The following CAMK2B variants were observed in gnomAD, a reference collection of about 807,000 sequenced individuals.
CAMK2B encodes calcium/calmodulin dependent protein kinase II beta.
Under a neutral mutation model 93.7 loss-of-function variants are expected in CAMK2B, and 27 were observed. The ratio of observed to expected loss-of-function variants is 0.29; its 90% confidence interval spans 0.21 to 0.40. The LOEUF (loss-of-function observed/expected upper bound fraction) is 0.40. Ranked by LOEUF, CAMK2B falls within the 10% of genes least tolerant of loss-of-function variation. CAMK2B has a pLI of 1.00. For missense variants in CAMK2B, 568 were observed against 895.8 expected, an observed-to-expected ratio of 0.63 and a Z score of 4.67; for synonymous variants, 374 against 358.8, an observed-to-expected ratio of 1.04 and a Z score of -0.48.
At chr7:44,247,232 G>A (rs761739836) in intron 5 of CAMK2B, 40 bp from the exon 6 acceptor site, 48 of 1,575,064 alleles carry the variant, frequency 3.0e-5, no homozygotes, top group Middle Eastern at 3.3e-4. Flanking sequence ...AGTGGCCCTG[G>A]GGAGCAGCAA....
chr7:44,239,093 C>T (rs897869531), intron 13 of CAMK2B, among the ~76,000 whole-genome samples: 7 of 152,246 alleles, frequency 4.6e-5, no homozygotes, highest in Non-Finnish European at 7.3e-5. Context: ...GCGGCTTGTC[C>T]TGGGGGGATG....
In CAMK2B at chr7:44,262,996, G is replaced by C; in HGVS notation, c.220+9C>G. 6.2e-7 allele frequency: 1 copy of C among 1,612,220 alleles called. No homozygotes were observed. Among genetic ancestry groups the C allele is most frequent in the Non-Finnish European group, 8.5e-7 (1 of 1,178,780 alleles). On this transcript the variant is annotated intron_variant, in intron 3 of 23. Coordinates refer to ENST00000395749, the MANE Select transcript of CAMK2B (RefSeq NM_001220.5). ...GACCCATCCCCGCTCCCTACCCCAGGCTGCTCACCGATGTTGGAATGCTTC... is the reference window on the plus strand; with the variant it reads ...GACCCATCCCCGCTCCCTACCCCAGCCTGCTCACCGATGTTGGAATGCTTC...
chr7:44,289,179 C>T (rs573106551), intron 1 of CAMK2B, among the ~76,000 whole-genome samples: 7 of 152,154 alleles, frequency 4.6e-5, no homozygotes, highest in Non-Finnish European at 8.8e-5. Flanking sequence ...GCTGACTATC[C>T]GTGGCTCCCA....
chr7:44,296,438 A>T (rs553419668), intron 1 of CAMK2B, among the ~76,000 whole-genome samples: 10 of 152,280 alleles, frequency 6.6e-5, no homozygotes, highest in Non-Finnish European at 8.8e-5. Context: ...TAATCCAAGA[A>T]CTATAGAAAA....
rs1453789479 is a variant in CAMK2B at position 44,247,138 on chromosome 7, G to A, written c.396C>T (p.Val132=). The A allele has an allele frequency of 1.1e-5, 17 of 1,613,846 alleles. No homozygotes were observed. The highest frequency in any genetic ancestry group is 4.0e-5 in the African/African-American group (3 of 74,906). Residue 132 remains valine, a synonymous_variant, in exon 6 of 24, where the codon GTC becomes GTT. Coordinates refer to ENST00000395749, the MANE Select transcript of CAMK2B (RefSeq NM_001220.5). ...GACTCACCTTGAGGTCTCTGTGGAC[G>A]ACCCCCATTTGGTGACAATGGAGAA... The part of the protein sequence containing the change: ...EAVLHCHQMG[V]VHRDLKPENL...
intron 1 of CAMK2B, among the ~76,000 whole-genome samples, chr7:44,309,038 C>T (rs533654227): frequency 4.6e-5 from 7 of 152,334 alleles, no homozygotes; most frequent in East Asian, 1.9e-4. Flanking sequence ...CTGAAACGGA[C>T]CCCAGAGCCC....
At chr7:44,244,065 C>T (rs546126303) in intron 6 of CAMK2B, among the ~76,000 whole-genome samples, 2 of 152,284 alleles carry the variant, frequency 1.3e-5, no homozygotes, top group East Asian at 3.9e-4. Context: ...TGGTGACCCC[C>T]AAAGGGCAAG....
At chr7:44,324,268 C>T (rs1397589889) in intron 1 of CAMK2B, among the ~76,000 whole-genome samples, 1 of 152,250 alleles carries the variant, frequency 6.6e-6, no homozygotes, top group Non-Finnish European at 1.5e-5. Context: ...GCCAGCACCG[C>T]CAGCGCCCCC....
intron 20 of CAMK2B, among the ~76,000 whole-genome samples, chr7:44,222,155 G>A (rs1004148361): frequency 6.6e-6 from 1 of 152,088 alleles, no homozygotes; most frequent in Non-Finnish European, 1.5e-5. Flanking sequence ...AAAGTAATTC[G>A]TCCGTGGAAA....
At chr7:44,238,711 G>C (rs946597952) in intron 13 of CAMK2B, among the ~76,000 whole-genome samples, 1 of 152,246 alleles carries the variant, frequency 6.6e-6, no homozygotes, top group Non-Finnish European at 1.5e-5. Context: ...TGGAGGCACC[G>C]ACAGGGAACT....
chr7:44,246,412 C>G (rs148331166), intron 6 of CAMK2B, among the ~76,000 whole-genome samples: 96 of 152,290 alleles, frequency 6.3e-4, no homozygotes, highest in Non-Finnish European at 1.1e-3. Context: ...CAAGTGCACA[C>G]ACATGCACAT....
chr7:44,288,598 C>A (rs1667790568), intron 1 of CAMK2B, among the ~76,000 whole-genome samples: 1 of 152,216 alleles, frequency 6.6e-6, no homozygotes, highest in African/African-American at 2.4e-5. Flanking sequence ...CCCCGGGCAC[C>A]AAGCATATTA....
chr7:44,234,274 TCAGA>T, intron 15 of CAMK2B, 112 bp downstream of exon 15: 2 of 900,168 alleles, frequency 2.2e-6, no homozygotes, highest in Non-Finnish European at 1.7e-6. Context: ...GCGAGTGCTG[TCAGA>T]CAGGCCAGGC....
At chr7:44,232,933 C>A (rs1289980781) in intron 15 of CAMK2B, 67 bp from the exon 16 acceptor site, 2 of 1,423,918 alleles carry the variant, frequency 1.4e-6, no homozygotes, top group Middle Eastern at 1.7e-4. Flanking sequence ...AAGCGGAGAC[C>A]ACCAGGAGGG....
At chr7:44,243,932 C>T (rs1470611812) in intron 6 of CAMK2B, among the ~76,000 whole-genome samples, 1 of 152,192 alleles carries the variant, frequency 6.6e-6, no homozygotes, top group African/African-American at 2.4e-5. Flanking sequence ...GCTCCCATGG[C>T]CCTCGGACTC....
At chr7:44,236,739 T>G (rs960701472) in intron 13 of CAMK2B, among the ~76,000 whole-genome samples, 2 of 152,056 alleles carry the variant, frequency 1.3e-5, no homozygotes, top group Non-Finnish European at 2.9e-5. Context: ...TCCCACCCTC[T>G]CAGCTCCCCT....
chr7:44,258,195 C>T (rs2096850238), intron 4 of CAMK2B, among the ~76,000 whole-genome samples: 2 of 152,232 alleles, frequency 1.3e-5, no homozygotes, highest in African/African-American at 4.8e-5. Context: ...ACTGCACACG[C>T]ACTCATGAAA....
chr7:44,250,068 C>A (rs1452074798), intron 5 of CAMK2B, among the ~76,000 whole-genome samples: 1 of 152,236 alleles, frequency 6.6e-6, no homozygotes, highest in Non-Finnish European at 1.5e-5. Flanking sequence ...GCCCTGCAAA[C>A]GCATGCTCAG....
At chr7:44,317,352 G>T (rs1316708595) in intron 1 of CAMK2B, among the ~76,000 whole-genome samples, 1 of 151,822 alleles carries the variant, frequency 6.6e-6, no homozygotes, top group Non-Finnish European at 1.5e-5. Flanking sequence ...TCCAAACTGA[G>T]ATGTGCCGTA....
Sources: allele counts gnomAD v4.1 joint callset (sites outside exome capture counted in the v4.1 genomes callset), GRCh38; gene constraint gnomAD v4.1.1; transcripts MANE v1.5; gene names NCBI Gene and HGNC (gene_info 2026-07-23, HGNC 2026-07-21).